The following SLCO1C1 variants were observed in gnomAD, a reference collection of about 807,000 sequenced individuals.
SLCO1C1 encodes the protein solute carrier organic anion transporter family member 1C1.
In SLCO1C1, 70 loss-of-function variants were observed where a neutral mutation model predicts 76.4. That is an observed-to-expected ratio of 0.92 (90% CI 0.76 to 1.12). The LOEUF is 1.12. SLCO1C1 is among the 50% of genes most tolerant of loss of function. SLCO1C1 has a pLI of 0.00. For synonymous variants in SLCO1C1, 306 were observed against 286.1 expected (o/e 1.07, Z -0.70); for missense variants, 912 against 823.8 (o/e 1.11, Z -1.31).
chr12:20,718,822 T>A (rs971320664), intron 7 of SLCO1C1, among the ~76,000 whole-genome samples: 2 of 152,142 alleles, frequency 1.3e-5, no homozygotes, highest in African/African-American at 4.8e-5. Flanking sequence ...TGAAGCCTAT[T>A]CCGGAATTTA....
At chr12:20,732,027 A>G (rs1948296539) in intron 9 of SLCO1C1, among the ~76,000 whole-genome samples, 2 of 152,224 alleles carry the variant, frequency 1.3e-5, no homozygotes, top group Non-Finnish European at 1.5e-5. Context: ...GGTGGAACTG[A>G]GATCTAAACC....
At chr12:20,741,216 C>T (rs1258053377) in intron 12 of SLCO1C1, among the ~76,000 whole-genome samples, 1 of 152,114 alleles carries the variant, frequency 6.6e-6, no homozygotes, top group East Asian at 1.9e-4. Flanking sequence ...CCTCTCCCAA[C>T]ATGTGGGGAT....
rs1592257466 is a variant in SLCO1C1 at position 20,717,244 on chromosome 12, T to C, written c.775+14T>C. 1 of 1,568,968 alleles carries C rather than the reference T, an allele frequency of 6.4e-7. No individual in the cohort carries two copies. The highest frequency in any genetic ancestry group is 8.6e-7 in the Non-Finnish European group (1 of 1,160,412). On this transcript the variant is annotated intron_variant, in intron 7 of 14. Coordinates refer to ENST00000266509, the MANE Select transcript of SLCO1C1 (RefSeq NM_017435.5). ...TTGTAAACCTAGGTAAGGAAGTTTATTTTTTATTTATTCATGTATTTTAGT... is the reference window on the plus strand; with the variant it reads ...TTGTAAACCTAGGTAAGGAAGTTTACTTTTTATTTATTCATGTATTTTAGT...
At chr12:20,745,097 A>C (rs1317659022) in intron 13 of SLCO1C1, among the ~76,000 whole-genome samples, 2 of 152,200 alleles carry the variant, frequency 1.3e-5, no homozygotes, top group African/African-American at 4.8e-5. Flanking sequence ...TTTTTTAAAA[A>C]AGAAACAATG....
intron 8 of SLCO1C1, among the ~76,000 whole-genome samples, chr12:20,722,394 A>T (rs185355910): frequency 1.8e-4 from 27 of 152,340 alleles, no homozygotes; most frequent in Admixed American, 1.4e-3. Context: ...AACAGATAAG[A>T]TCTATTCATT....
Position 20,723,081 on chromosome 12 carries a change from G to A in SLCO1C1, c.1022-9G>A, listed in dbSNP as rs1290381020. 6.2e-7 allele frequency: 1 copy of A among 1,601,320 alleles called. No individual in the cohort carries two copies. Among genetic ancestry groups the A allele is most frequent in the Non-Finnish European group, 8.5e-7 (1 of 1,175,042 alleles). The stretch of plus-strand genomic sequence containing the variant: ...ACTTTAATTAGTCTATGTTATTTTT[G>A]TTTTACAGATTTTCTTCCATCACTG... On this transcript the variant is annotated splice_polypyrimidine_tract_variant and intron_variant, in intron 8 of 14. Coordinates refer to ENST00000266509, the MANE Select transcript of SLCO1C1 (RefSeq NM_017435.5).
intron 13 of SLCO1C1, 115 bp from the exon 14 acceptor site, chr12:20,750,560 A>T (rs755463180): frequency 5.7e-6 from 5 of 884,556 alleles, no homozygotes; most frequent in Non-Finnish European, 7.3e-6. Context: ...CATGTAATTG[A>T]TGGCCTTTCA....
At chr12:20,740,722 T>C (rs904883390) in intron 12 of SLCO1C1, among the ~76,000 whole-genome samples, 14 of 143,710 alleles carry the variant, frequency 9.7e-5, no homozygotes, top group Non-Finnish European at 2.0e-4. Flanking sequence ...CACCAAGTCA[T>C]GGGAAATAGA....
chr12:20,752,239 T>C (rs1949343409), intron 14 of SLCO1C1, 67 bp from the exon 15 acceptor site: 2 of 1,062,908 alleles, frequency 1.9e-6, no homozygotes, highest in East Asian at 2.5e-5. Context: ...ATGATATTAT[T>C]ACCTTTTAAA....
chr12:20,730,698 G>A (rs1948224818), intron 9 of SLCO1C1, among the ~76,000 whole-genome samples: 1 of 152,098 alleles, frequency 6.6e-6, no homozygotes, highest in African/African-American at 2.4e-5. Flanking sequence ...CCCCTTTAAG[G>A]TGGGCTGAGT....
At chr12:20,700,203 G>T (rs1373788715) in intron 2 of SLCO1C1, 2 of 151,284 alleles carry the variant, frequency 1.3e-5, no homozygotes, top group African/African-American at 4.9e-5. Context: ...CACTAACCAT[G>T]TACAAAGATT....
At chr12:20,725,462 T>C (rs1947932452) in intron 9 of SLCO1C1, among the ~76,000 whole-genome samples, 1 of 146,806 alleles carries the variant, frequency 6.8e-6, no homozygotes, top group Admixed American at 6.9e-5. Context: ...TATACTATAA[T>C]ATATAATAAT....
In SLCO1C1 at chr12:20,706,098, C is replaced by A; in HGVS notation, c.404+17C>A. ...CATGGAGCAGTAAGTCTAAAGCAAT[C>A]ATCTTTTCCTTGCCTTTCCAAACAA... On this transcript the variant is annotated intron_variant, in intron 4 of 14. Coordinates refer to ENST00000266509, the MANE Select transcript of SLCO1C1 (RefSeq NM_017435.5). 1 of 1,587,544 alleles carries A rather than the reference C, an allele frequency of 6.3e-7. No homozygotes were observed. Among genetic ancestry groups the A allele is most frequent in the Non-Finnish European group, 8.6e-7 (1 of 1,167,608 alleles).
At chr12:20,711,543 CT>C in intron 5 of SLCO1C1, 33 bp downstream of exon 5, 4 of 1,599,528 alleles carry the variant, frequency 2.5e-6, no homozygotes, top group African/African-American at 1.4e-5. Flanking sequence ...ACTAAACAAG[CT>C]TTTAAAAAAA....
chr12:20,724,451 A>ATATATATGTGTG (rs1555129500), intron 9 of SLCO1C1, among the ~76,000 whole-genome samples: 2 of 75,396 alleles, frequency 2.7e-5, no homozygotes, highest in Non-Finnish European at 4.8e-5. Context: ...ATATATATAT[A>ATATATATGTGTG]TGTGTGTGTG....
chr12:20,699,796 CT>C (rs1338338680), intron 2 of SLCO1C1, 91 bp downstream of exon 2: 9 of 1,295,796 alleles, frequency 6.9e-6, no homozygotes, highest in South Asian at 2.0e-5. Flanking sequence ...GAATTGTTTT[CT>C]CCTTTAAAAA....
In SLCO1C1 at chr12:20,730,453, A is replaced by G. The variant is rs369444704; in HGVS notation, c.1187-2456A>G. ...TTTAAAAAATCAGAAAATTTAGGAA[A>G]AAATATTAACATTAATTAAGTTGGG... is the stretch of plus-strand genomic sequence containing the variant. On this transcript the variant is annotated intron_variant, in intron 9 of 14. Coordinates refer to ENST00000266509, the MANE Select transcript of SLCO1C1 (RefSeq NM_017435.5). Among the ~76,000 whole-genome samples the G allele has an allele frequency of 6.3e-4, 96 of 152,336 alleles. 1 individual carries two copies. In the South Asian group the frequency reaches 0.019, roughly 30 times the overall value.
intron 1 of SLCO1C1, among the ~76,000 whole-genome samples, chr12:20,698,809 G>C (rs1946384589): frequency 6.6e-6 from 1 of 152,052 alleles, no homozygotes; most frequent in Admixed American, 6.6e-5. Flanking sequence ...GAATCCTAAA[G>C]AAGTAGGGGC....
intron 1 of SLCO1C1, among the ~76,000 whole-genome samples, chr12:20,696,435 G>C (rs949156355): frequency 6.6e-6 from 1 of 152,096 alleles, no homozygotes; most frequent in Non-Finnish European, 1.5e-5. Flanking sequence ...GCAGAGCAGA[G>C]GGGTTGAGTA....
Sources: allele counts gnomAD v4.1 joint callset (sites outside exome capture counted in the v4.1 genomes callset), GRCh38; gene constraint gnomAD v4.1.1; transcripts MANE v1.5; gene names NCBI Gene and HGNC (gene_info 2026-07-23, HGNC 2026-07-21).